The following CTNNA3 variants were observed in gnomAD, a reference collection of about 807,000 sequenced individuals.
CTNNA3 encodes the protein catenin alpha 3, also known as catenin alpha-3.
Under a neutral mutation model 95.7 loss-of-function variants are expected in CTNNA3, and 76 were observed. That is an observed-to-expected ratio of 0.79 (90% confidence interval 0.66 to 0.96). The LOEUF (loss-of-function observed/expected upper bound fraction) is 0.96. Among genes scored for constraint, CTNNA3 ranks in the 40% least tolerant of loss-of-function variants. The pLI, the probability that CTNNA3 is intolerant of heterozygous loss-of-function variation, is 0.00. For missense variants in CTNNA3, 1,191 were observed against 1,089.8 expected (o/e 1.09, Z -1.31); for synonymous variants, 431 against 374.4 (o/e 1.15, Z -1.74).
chr10:66,355,220 C>G (rs1285688074), intron 12 of CTNNA3, among the ~76,000 whole-genome samples: 5 of 152,100 alleles, frequency 3.3e-5, no homozygotes, highest in African/African-American at 1.2e-4. Flanking sequence ...TTTAAAGGTA[C>G]TCTGTGGCCT....
At chr10:66,917,383 T>A (rs1239630629) in intron 7 of CTNNA3, among the ~76,000 whole-genome samples, 1 of 152,126 alleles carries the variant, frequency 6.6e-6, no homozygotes, top group Middle Eastern at 3.2e-3. Context: ...AGCTACCAAG[T>A]ACTAACAGTA....
At chr10:66,016,324 G>T (rs756495674) in intron 15 of CTNNA3, among the ~76,000 whole-genome samples, 1 of 152,146 alleles carries the variant, frequency 6.6e-6, no homozygotes, top group Non-Finnish European at 1.5e-5. Flanking sequence ...CCTTTGTGTT[G>T]TCACAGTGGC....
chr10:67,121,217 C>T (rs1277698225), intron 7 of CTNNA3, among the ~76,000 whole-genome samples: 1 of 152,004 alleles, frequency 6.6e-6, no homozygotes, highest in Non-Finnish European at 1.5e-5. Context: ...TTATTTTTGA[C>T]CAATCGATGG....
intron 5 of CTNNA3, among the ~76,000 whole-genome samples, chr10:67,478,187 G>A (rs1848089952): frequency 2.0e-5 from 3 of 152,172 alleles, no homozygotes; most frequent in Non-Finnish European, 4.4e-5. Context: ...AGGGAATTAT[G>A]TAAAGTGACC....
intron 13 of CTNNA3, among the ~76,000 whole-genome samples, chr10:66,136,563 A>T (rs1470997544): frequency 6.6e-6 from 1 of 152,044 alleles, no homozygotes; most frequent in Non-Finnish European, 1.5e-5. Context: ...AGTCTACATT[A>T]TTAACACTTT....
At chr10:66,702,721 A>G (rs1176057625) in intron 9 of CTNNA3, among the ~76,000 whole-genome samples, 4 of 138,478 alleles carry the variant, frequency 2.9e-5, no homozygotes, top group African/African-American at 1.2e-4. Context: ...AAAAAAAAAA[A>G]AAAAAAGAAT....
intron 15 of CTNNA3, among the ~76,000 whole-genome samples, chr10:66,065,216 T>C (rs1011853535): frequency 7.5e-5 from 11 of 146,900 alleles, no homozygotes; most frequent in African/African-American, 2.7e-4. Flanking sequence ...TGTAAACTTA[T>C]GTTGGTTTAA....
At chr10:67,485,231 A>G (rs1434783256) in intron 5 of CTNNA3, among the ~76,000 whole-genome samples, 2 of 152,174 alleles carry the variant, frequency 1.3e-5, no homozygotes, top group African/African-American at 4.8e-5. Context: ...AAAACCAAAT[A>G]CCACACGTTC....
chr10:66,210,874 T>TA (rs1288793526), intron 13 of CTNNA3, among the ~76,000 whole-genome samples: 1 of 152,206 alleles, frequency 6.6e-6, no homozygotes, highest in Non-Finnish European at 1.5e-5. Flanking sequence ...CTTTGGGGCC[T>TA]AGGCCACCTT....
At chr10:66,180,658 T>C (rs1237850994) in intron 13 of CTNNA3, among the ~76,000 whole-genome samples, 2 of 152,146 alleles carry the variant, frequency 1.3e-5, no homozygotes, top group African/African-American at 4.8e-5. Context: ...CCTGGGAAAC[T>C]CATGTTTTCA....
intron 7 of CTNNA3, among the ~76,000 whole-genome samples, chr10:66,925,441 A>G (rs1847013344): frequency 6.6e-6 from 1 of 152,348 alleles, no homozygotes; most frequent in South Asian, 2.1e-4. Context: ...ATTAAAAGAG[A>G]ATTACAACAA....
chr10:67,737,494 A>C (rs991586783), intron 1 of CTNNA3, among the ~76,000 whole-genome samples: 3 of 152,150 alleles, frequency 2.0e-5, no homozygotes, highest in African/African-American at 7.2e-5. Context: ...AGAAACAATA[A>C]AGATCAGACC....
At chr10:67,079,351 A>G (rs532887325) in intron 7 of CTNNA3, among the ~76,000 whole-genome samples, 2 of 152,234 alleles carry the variant, frequency 1.3e-5, no homozygotes, top group South Asian at 4.1e-4. Context: ...CCACAGTTGC[A>G]GAAGGAACAC....
intron 14 of CTNNA3, among the ~76,000 whole-genome samples, chr10:66,075,977 C>G (rs74140943): frequency 6.6e-6 from 1 of 151,480 alleles, no homozygotes; most frequent in Non-Finnish European, 1.5e-5. Flanking sequence ...AAATAATCCA[C>G]AATTATGATT....
chr10:66,375,766 T>C (rs967384123), intron 12 of CTNNA3, among the ~76,000 whole-genome samples: 1 of 152,182 alleles, frequency 6.6e-6, no homozygotes, highest in Non-Finnish European at 1.5e-5. Context: ...AGTAAACAAT[T>C]TACAACAAAA....
intron 9 of CTNNA3, among the ~76,000 whole-genome samples, chr10:66,668,422 ATGTGTGTGTG>A (rs3055580): frequency 7.5e-5 from 11 of 146,912 alleles, no homozygotes; most frequent in South Asian, 6.6e-4. Context: ...CAACTCTCAT[ATGTGTGTGTG>A]TGTGTGTGTG....
intron 7 of CTNNA3, among the ~76,000 whole-genome samples, chr10:67,133,432 T>C (rs1357519995): frequency 6.9e-6 from 1 of 145,296 alleles, no homozygotes; most frequent in Admixed American, 6.8e-5. Context: ...GCAACAATAG[T>C]AGAGAAACAC....
intron 5 of CTNNA3, among the ~76,000 whole-genome samples, chr10:67,509,602 T>C (rs1462382370): frequency 1.3e-5 from 2 of 152,350 alleles, no homozygotes; most frequent in African/African-American, 2.4e-5. Context: ...TGATGAATAT[T>C]TGGGTTGGTT....
chr10:67,730,592 T>C (rs999986287), intron 1 of CTNNA3, among the ~76,000 whole-genome samples: 1 of 151,860 alleles, frequency 6.6e-6, no homozygotes, highest in African/African-American at 2.4e-5. Context: ...GATCCCAGGA[T>C]GACAGGTGAG....
Sources: gnomAD v4.1 joint callset for allele counts (sites outside exome capture counted in the v4.1 genomes callset) on GRCh38, gnomAD v4.1.1 for gene constraint, MANE v1.5 for transcripts, NCBI Gene and HGNC (gene_info 2026-07-23, HGNC 2026-07-21) for gene names.